Variants in SPON1 observed in about 807,000 individuals in gnomAD.
The protein encoded by SPON1 is spondin-1.
A neutral mutation model predicts 111.7 loss-of-function variants in SPON1; 52 were observed. That is an observed-to-expected ratio of 0.47 (90% confidence interval 0.37 to 0.59). SPON1 has a LOEUF of 0.59. SPON1 is among the 20% of genes least tolerant of loss of function. SPON1 has a pLI of 0.00. For missense variants in SPON1, 957 were observed against 1,068.5 expected, an observed-to-expected ratio of 0.90 and a Z score of 1.46; for synonymous variants, 410 against 395.8, an observed-to-expected ratio of 1.04 and a Z score of -0.43.
chr11:13,970,112 G>A (rs1554908433), intron 1 of SPON1, among the ~76,000 whole-genome samples: 1 of 152,134 alleles, frequency 6.6e-6, no homozygotes, highest in Non-Finnish European at 1.5e-5. Context: ...GAGCATCTAT[G>A]GTGTCAGGAA....
Position 14,265,524 on chromosome 11 carries a change from G to A in SPON1, c.2261G>A (p.Gly754Asp), listed in dbSNP as rs782551078. 6.2e-7 allele frequency: 1 copy of A among 1,612,530 alleles called. No homozygotes were observed. Among genetic ancestry groups the A allele is most frequent in the Non-Finnish European group, 8.5e-7 (1 of 1,179,318 alleles). Residue 754 changes from glycine (G) to aspartate (D), a missense_variant and splice_region_variant, in exon 16 of 16, where the codon GGT (glycine) becomes GAT (aspartate). Around this residue, in one of 5 missense-constraint regions of SPON1, gnomAD observed 549 missense variants for 606.2 expected, o/e 0.91. Coordinates refer to ENST00000576479, the MANE Select transcript of SPON1 (RefSeq NM_006108.4). ...KEESEGEQFP[G>D]CRMRPWTAWS... ...TAACAAGGCATTCTCATGCTTTCAG[G>A]TTGTAGGATGCGCCCATGGACGGCC...
At chr11:14,153,113 T>A (rs1352987410) in intron 6 of SPON1, among the ~76,000 whole-genome samples, 4 of 152,240 alleles carry the variant, frequency 2.6e-5, no homozygotes, top group Admixed American at 2.6e-4. Flanking sequence ...CATGTTAGTT[T>A]TACTTCTTCT....
intron 6 of SPON1, among the ~76,000 whole-genome samples, chr11:14,182,155 C>T (rs1041322580): frequency 1.3e-5 from 2 of 152,154 alleles, no homozygotes; most frequent in African/African-American, 4.8e-5. Context: ...CACTCTTAAG[C>T]TCCCTGATAT....
intron 6 of SPON1, among the ~76,000 whole-genome samples, chr11:14,137,332 T>C (rs1363376800): frequency 2.6e-5 from 4 of 152,182 alleles, no homozygotes; most frequent in African/African-American, 9.7e-5. Flanking sequence ...ATGGCTGTGA[T>C]TGGCTTGTAT....
Position 14,157,957 on chromosome 11 carries a change from A to G in SPON1, c.825+22389A>G, listed in dbSNP as rs962905348. ...GTTTTTAAGTCCAAGTCTGGTAACT[A>G]TAATATCTAGATCATTTGTAGGTCT... is the stretch of plus-strand genomic sequence containing the variant. On this transcript the variant is annotated intron_variant, in intron 6 of 15. Transcript: ENST00000576479. 4.6e-5 allele frequency among the ~76,000 whole-genome samples: 7 copies of G among 152,252 alleles called. No individual in the cohort carries two copies. In the East Asian group the frequency reaches 1.2e-3, roughly 25 times the overall value.
At chr11:14,217,252 C>T (rs1256960098) in intron 6 of SPON1, among the ~76,000 whole-genome samples, 1 of 152,192 alleles carries the variant, frequency 6.6e-6, no homozygotes, top group Non-Finnish European at 1.5e-5. Context: ...TCAGCCAGCA[C>T]CAACATTTGT....
At chr11:14,139,115 C>T (rs1847622968) in intron 6 of SPON1, among the ~76,000 whole-genome samples, 1 of 152,196 alleles carries the variant, frequency 6.6e-6, no homozygotes, top group African/African-American at 2.4e-5. Flanking sequence ...AGCCTGAATA[C>T]CCTTTATGTC....
At chr11:14,124,697 G>A (rs1847435114) in intron 5 of SPON1, among the ~76,000 whole-genome samples, 1 of 152,114 alleles carries the variant, frequency 6.6e-6, no homozygotes, top group African/African-American at 2.4e-5. Flanking sequence ...GCATGAAAGT[G>A]GCCATAAACA....
At chr11:14,216,471 T>G (rs1223455282) in intron 6 of SPON1, among the ~76,000 whole-genome samples, 2 of 152,328 alleles carry the variant, frequency 1.3e-5, no homozygotes, top group African/African-American at 2.4e-5. Flanking sequence ...GGTAGGGTAC[T>G]CCTTAGAAAT....
At chr11:14,145,211 C>T (rs1256491083) in intron 6 of SPON1, among the ~76,000 whole-genome samples, 3 of 152,188 alleles carry the variant, frequency 2.0e-5, no homozygotes, top group Non-Finnish European at 2.9e-5. Flanking sequence ...AGAGTGATTT[C>T]GTGATGCCTG....
chr11:14,093,273 G>C (rs1849073316), intron 5 of SPON1, among the ~76,000 whole-genome samples: 1 of 152,260 alleles, frequency 6.6e-6, no homozygotes, highest in Non-Finnish European at 1.5e-5. Flanking sequence ...TGACTAGGCA[G>C]TGTAACCACA....
At chr11:14,152,154 CAT>C (rs1269313942) in intron 6 of SPON1, among the ~76,000 whole-genome samples, 1 of 152,182 alleles carries the variant, frequency 6.6e-6, no homozygotes, top group Admixed American at 6.5e-5. Flanking sequence ...TCATGCTTTT[CAT>C]ATGTCTCATA....
chr11:14,025,306 G>A (rs1362736121), intron 2 of SPON1, among the ~76,000 whole-genome samples: 1 of 152,182 alleles, frequency 6.6e-6, no homozygotes, highest in Non-Finnish European at 1.5e-5. Flanking sequence ...AAAGGGAGTA[G>A]CAATACCTCT....
intron 6 of SPON1, among the ~76,000 whole-genome samples, chr11:14,149,285 C>T (rs1847760569): frequency 6.6e-6 from 1 of 152,024 alleles, no homozygotes; most frequent in Non-Finnish European, 1.5e-5. Flanking sequence ...TGTGTGTTTA[C>T]ATCTTAGCTT....
Position 14,160,937 on chromosome 11 carries a change from A to ATATT in SPON1, c.825+25372_825+25373insTTAT, listed in dbSNP as rs1564919777. Among the ~76,000 whole-genome samples the ATATT allele has an allele frequency of 3.3e-3, 171 of 51,198 alleles. 13 individuals are homozygous for ATATT. The highest frequency in any genetic ancestry group is 0.012 in the African/African-American group (160 of 13,090). The allele number at this position is 51,198 out of a possible 152,430, so 33.6% of individuals were successfully genotyped here. A position where few individuals can be genotyped will look rare whatever the true frequency, so the allele number is the denominator to read the frequency against. ...TATATTTATATATTTATATATTTAT[A>ATATT]TATATATTTATATATTTATATATAT... On this transcript the variant is annotated intron_variant, in intron 6 of 15. Transcript: ENST00000576479.
At chr11:14,007,544 A>G (rs1848371584) in intron 2 of SPON1, among the ~76,000 whole-genome samples, 1 of 152,164 alleles carries the variant, frequency 6.6e-6, no homozygotes, top group South Asian at 2.1e-4. Context: ...GTGCCCACCC[A>G]GATTAAGGGT....
At position 13,962,731 on chromosome 11, in the gene SPON1, G is replaced by GCT; in HGVS notation, c.-173_-172insTC. 1.8e-6 allele frequency: 1 copy of GCT among 562,578 alleles called. No homozygotes were observed. The highest frequency in any genetic ancestry group is 2.9e-6 in the Non-Finnish European group (1 of 339,708). 34.8% of individuals were successfully genotyped at this position (562,578 alleles called of 1,614,324 possible). A position where few individuals can be genotyped will look rare whatever the true frequency, so the allele number is the denominator to read the frequency against. ...TTGGCTCAGCTCAGCTCAGCTCAGC[G>GCT]CAGCTCCGCGGCCGCCAAGCCGAGG... is the stretch of plus-strand genomic sequence containing the variant. On this transcript the variant is annotated 5_prime_UTR_variant, in exon 1 of 16. Transcript: ENST00000576479.
chr11:13,971,927 T>TACA (rs782340606), intron 1 of SPON1, among the ~76,000 whole-genome samples: 6 of 152,196 alleles, frequency 3.9e-5, no homozygotes, highest in Admixed American at 1.3e-4. Flanking sequence ...TTGCTTGTAC[T>TACA]TCTCTGCCAC....
At chr11:14,100,806 CT>C (rs1227503403) in intron 5 of SPON1, among the ~76,000 whole-genome samples, 3 of 152,196 alleles carry the variant, frequency 2.0e-5, no homozygotes, top group Admixed American at 1.3e-4. Flanking sequence ...GGCAAACCCC[CT>C]AAGGCCTTAT....
Sources: gnomAD v4.1 joint callset for allele counts (sites outside exome capture counted in the v4.1 genomes callset) on GRCh38, gnomAD v4.1.1 for gene constraint, gnomAD v4.1.1 regional missense constraint, MANE v1.5 for transcripts, NCBI Gene and HGNC (gene_info 2026-07-23, HGNC 2026-07-21) for gene names.